TRAPPC9: variants seen among roughly 807,000 people sequenced by gnomAD.
The protein encoded by TRAPPC9 is trafficking protein particle complex subunit 9.
TRAPPC9 carries 83 observed loss-of-function variants against 124.0 expected under a neutral mutation model. That is an observed-to-expected ratio of 0.67 (90% CI 0.56 to 0.80). The LOEUF (loss-of-function observed/expected upper bound fraction) is 0.80. TRAPPC9 is among the 30% of genes least tolerant of loss of function. The pLI is 0.00. For synonymous variants in TRAPPC9, 638 were observed against 617.5 expected (o/e 1.03, Z -0.49); for missense variants, 1,302 against 1,508.3 (o/e 0.86, Z 2.27).
At chr8:140,053,267 C>T (rs961924587) in intron 17 of TRAPPC9, among the ~76,000 whole-genome samples, 10 of 152,228 alleles carry the variant, frequency 6.6e-5, no homozygotes, top group African/African-American at 2.4e-4. Flanking sequence ...GCCTGGCAGA[C>T]ACCACCTGAC....
chr8:139,909,774 C>A (rs1831591334), intron 20 of TRAPPC9, among the ~76,000 whole-genome samples: 1 of 152,256 alleles, frequency 6.6e-6, no homozygotes, highest in Non-Finnish European at 1.5e-5. Context: ...ATTTCAGTTT[C>A]TCAGACAATT....
chr8:139,837,778 C>T (rs549000274), intron 21 of TRAPPC9, among the ~76,000 whole-genome samples: 1 of 152,290 alleles, frequency 6.6e-6, no homozygotes, highest in East Asian at 1.9e-4. Context: ...CCCCTCGGCC[C>T]TCCTCTGTGC....
chr8:140,033,618 A>C (rs1280309161), intron 17 of TRAPPC9, among the ~76,000 whole-genome samples: 1 of 145,666 alleles, frequency 6.9e-6, no homozygotes, highest in African/African-American at 2.5e-5. Context: ...CATTTCATCC[A>C]AGTTGTCAAA....
At chr8:140,412,312 C>G (rs1188020912) in intron 5 of TRAPPC9, among the ~76,000 whole-genome samples, 5 of 152,142 alleles carry the variant, frequency 3.3e-5, no homozygotes, top group Admixed American at 6.5e-5. Flanking sequence ...CTGCATTCTT[C>G]AGAAATATCA....
At chr8:140,099,706 C>T (rs1441237047) in intron 17 of TRAPPC9, 2 of 152,470 alleles carry the variant, frequency 1.3e-5, no homozygotes, top group East Asian at 1.9e-4. Flanking sequence ...CCGCAATCCA[C>T]AGGGTACTGA....
intron 17 of TRAPPC9, among the ~76,000 whole-genome samples, chr8:140,129,052 A>G (rs2061153453): frequency 1.3e-5 from 2 of 150,770 alleles, no homozygotes; most frequent in African/African-American, 2.4e-5. Context: ...TGCTCTGCCA[A>G]TGAGGTTGAT....
chr8:140,350,038 A>G (rs112136893), intron 9 of TRAPPC9, among the ~76,000 whole-genome samples: 206 of 152,316 alleles, frequency 1.4e-3, no homozygotes, highest in Non-Finnish European at 1.2e-3. Flanking sequence ...ATCATCTAAC[A>G]TAACTGGTTC....
At chr8:140,245,187 T>C (rs982207305) in intron 16 of TRAPPC9, among the ~76,000 whole-genome samples, 2 of 152,226 alleles carry the variant, frequency 1.3e-5, no homozygotes, top group African/African-American at 2.4e-5. Context: ...TAATGAATTA[T>C]TATGAAGCAA....
intron 21 of TRAPPC9, among the ~76,000 whole-genome samples, chr8:139,876,891 A>G (rs750315233): frequency 2.6e-5 from 4 of 152,194 alleles, no homozygotes; most frequent in Non-Finnish European, 5.9e-5. Context: ...TTGGACCTTG[A>G]GCCATGCTCC....
intron 17 of TRAPPC9, among the ~76,000 whole-genome samples, chr8:140,030,358 T>A (rs996020867): frequency 2.6e-5 from 4 of 152,194 alleles, no homozygotes; most frequent in Admixed American, 6.5e-5. Context: ...GACAACATAA[T>A]CATGTACCAA....
intron 17 of TRAPPC9, among the ~76,000 whole-genome samples, chr8:140,213,091 T>TG (rs2063103348): frequency 6.6e-6 from 1 of 151,278 alleles, no homozygotes; most frequent in Admixed American, 6.6e-5. Context: ...AAAAGTTTTT[T>TG]TGTTTTTTTG....
At chr8:140,094,297 CT>C (rs752579936) in intron 17 of TRAPPC9, among the ~76,000 whole-genome samples, 4 of 152,214 alleles carry the variant, frequency 2.6e-5, no homozygotes, top group Non-Finnish European at 5.9e-5. Context: ...GGGTGGTCAT[CT>C]TCCATTTTGC....
At chr8:140,200,254 G>T (rs962566188) in intron 17 of TRAPPC9, among the ~76,000 whole-genome samples, 1 of 149,798 alleles carries the variant, frequency 6.7e-6, no homozygotes, top group Non-Finnish European at 1.5e-5. Context: ...GTTTCCTAGC[G>T]CTATCCACTG....
chr8:140,012,613 G>A (rs1344889759), intron 18 of TRAPPC9, among the ~76,000 whole-genome samples: 1 of 152,220 alleles, frequency 6.6e-6, no homozygotes, highest in African/African-American at 2.4e-5. Context: ...CCAAAACCCA[G>A]GTCCTCCACC....
chr8:140,173,276 C>T (rs970253753), intron 17 of TRAPPC9, among the ~76,000 whole-genome samples: 11 of 152,122 alleles, frequency 7.2e-5, no homozygotes, highest in South Asian at 2.1e-4. Context: ...CTTCTGTGGC[C>T]GGGCACAGTG....
chr8:139,981,457 C>A (rs1463496282), intron 19 of TRAPPC9, among the ~76,000 whole-genome samples: 1 of 152,210 alleles, frequency 6.6e-6, no homozygotes, highest in Non-Finnish European at 1.5e-5. Context: ...GTAACTCATA[C>A]TGCAGAAGGA....
In TRAPPC9 at chr8:140,431,428, AGAGT is replaced by A. The variant is rs1377972713; in HGVS notation, c.859+3680_859+3683del. Among the ~76,000 whole-genome samples, 7 of 152,158 alleles carry A rather than the reference AGAGT, an allele frequency of 4.6e-5. No individual in the cohort carries two copies. In the East Asian group the frequency reaches 1.4e-3, roughly 30 times the overall value. ...GCTACTGCACTCCGGCCTCGGCGAC[AGAGT>A]GAGACTCTGTCTCAAAAAAAAAAAT... On this transcript the variant is annotated intron_variant, in intron 4 of 22. Coordinates refer to ENST00000438773, the MANE Select transcript of TRAPPC9 (RefSeq NM_001160372.4).
At chr8:140,377,644 A>G (rs575706286) in intron 7 of TRAPPC9, among the ~76,000 whole-genome samples, 2 of 152,182 alleles carry the variant, frequency 1.3e-5, no homozygotes, top group East Asian at 1.9e-4. Context: ...AGTCCCTCCA[A>G]TGACAACTCA....
intron 18 of TRAPPC9, among the ~76,000 whole-genome samples, chr8:139,999,493 T>C (rs946500661): frequency 1.3e-4 from 20 of 152,108 alleles, no homozygotes; most frequent in African/African-American, 4.6e-4. Flanking sequence ...TCAACACTCT[T>C]CTCTCAGTAA....
Sources: gnomAD v4.1 joint callset for allele counts (sites outside exome capture counted in the v4.1 genomes callset) on GRCh38, gnomAD v4.1.1 for gene constraint, MANE v1.5 for transcripts, NCBI Gene and HGNC (gene_info 2026-07-23, HGNC 2026-07-21) for gene names.